The following SMG1 variants were observed in gnomAD, a reference collection of about 807,000 sequenced individuals.
The protein encoded by SMG1 is serine/threonine-protein kinase SMG1.
Under a neutral mutation model 419.9 loss-of-function variants are expected in SMG1, and 22 were observed. The observed-to-expected ratio is 0.05, with a 90% CI of 0.04 to 0.07. The LOEUF (loss-of-function observed/expected upper bound fraction) is 0.07, where lower values mean the gene tolerates loss of function less well. Ranked by LOEUF, SMG1 falls within the 10% of genes least tolerant of loss-of-function variation. The pLI is 1.00. For missense variants in SMG1, 3,185 were observed against 4,342.0 expected (o/e 0.73, Z 7.49); for synonymous variants, 1,538 against 1,553.5 (o/e 0.99, Z 0.23).
chr16:18,886,353 A>T (rs7191204), intron 6 of SMG1, among the ~76,000 whole-genome samples: 13,391 of 152,258 alleles, frequency 0.088, 727 homozygotes, highest in African/African-American at 0.16. Flanking sequence ...ATAAATTTTT[A>T]AAATAAATAT....
At chr16:18,890,203 C>CTT (rs956513585) in intron 5 of SMG1, among the ~76,000 whole-genome samples, 4 of 152,200 alleles carry the variant, frequency 2.6e-5, no homozygotes, top group Admixed American at 1.3e-4. Context: ...AAGGAAACTC[C>CTT]TTTTTACCTC....
At chr16:18,897,495 G>A (rs2037179337) in intron 1 of SMG1, among the ~76,000 whole-genome samples, 1 of 152,100 alleles carries the variant, frequency 6.6e-6, no homozygotes, top group Non-Finnish European at 1.5e-5. Flanking sequence ...CATTGCAGAT[G>A]CCTTAATTGT....
At chr16:18,814,220 G>A (rs2031769146) in intron 60 of SMG1, among the ~76,000 whole-genome samples, 1 of 151,942 alleles carries the variant, frequency 6.6e-6, no homozygotes, top group African/African-American at 2.4e-5. Flanking sequence ...GTTTGTGTAT[G>A]TGTACATATG....
At chr16:18,864,939 TA>T (rs1384540393) in intron 23 of SMG1, among the ~76,000 whole-genome samples, 1 of 152,132 alleles carries the variant, frequency 6.6e-6, no homozygotes, top group African/African-American at 2.4e-5. Context: ...TAAATGTTTT[TA>T]AAAAAATGTA....
chr16:18,815,124 C>A lies in SMG1; in HGVS notation c.10621+51G>T, dbSNP rs927516954. On this transcript the variant is annotated intron_variant, in intron 60 of 62. Coordinates refer to ENST00000446231, the MANE Select transcript of SMG1 (RefSeq NM_015092.5). ...AGTTATGTATAATTAAACATCTTAGCATCTATGTGTAACATTAACAACAGA... is the reference window on the plus strand; with the variant it reads ...AGTTATGTATAATTAAACATCTTAGAATCTATGTGTAACATTAACAACAGA... 2.1e-5 allele frequency: 23 copies of A among 1,119,316 alleles called. No individual in the cohort carries two copies. The Admixed American group carries it at 4.6e-4, about 23-fold the overall frequency. 69.3% of individuals were successfully genotyped at this position (1,119,316 alleles called of 1,614,324 possible). A position where few individuals can be genotyped will look rare whatever the true frequency, so the allele number is the denominator to read the frequency against.
Position 18,903,082 on chromosome 16 carries a change from C to A in SMG1, c.93-6126G>T, listed in dbSNP as rs182893319. Among the ~76,000 whole-genome samples, 33 of 152,264 alleles carry A rather than the reference C, an allele frequency of 2.2e-4. 1 individual carries two copies. The South Asian group carries it at 6.2e-3, about 29-fold the overall frequency. On this transcript the variant is annotated intron_variant, in intron 1 of 62. Transcript: ENST00000446231. ...TCAAGTGATCCACTCACCTCAGCCT[C>A]CGAAAGGGTTGGGATTACAGGCATA...
intron 36 of SMG1, among the ~76,000 whole-genome samples, chr16:18,848,652 G>A (rs2034405936): frequency 6.6e-6 from 1 of 151,866 alleles, no homozygotes; most frequent in African/African-American, 2.4e-5. Context: ...CAGTGAGCCT[G>A]GCAGAGGTAC....
At chr16:18,839,051 G>T (rs1345618819) in intron 42 of SMG1, among the ~76,000 whole-genome samples, 1 of 151,938 alleles carries the variant, frequency 6.6e-6, no homozygotes, top group African/African-American at 2.4e-5. Context: ...AACCAATGTT[G>T]GGCAGGCTGG....
At chr16:18,866,552 G>A in intron 23 of SMG1, 69 bp downstream of exon 23, 1 of 1,393,254 alleles carries the variant, frequency 7.2e-7, no homozygotes, top group Non-Finnish European at 1.0e-6. Flanking sequence ...TGGCTACAAT[G>A]TCAGTGAGTA....
At chr16:18,815,400 T>C (rs1002382011) in intron 59 of SMG1, 40 bp downstream of exon 59, 1 of 1,602,024 alleles carries the variant, frequency 6.2e-7, no homozygotes, top group Admixed American at 1.7e-5. Flanking sequence ...AGTAGTTTTG[T>C]ACTTATGTTT....
chr16:18,858,355 G>A (rs563293034), intron 28 of SMG1, 65 bp from the exon 29 acceptor site: 11 of 1,493,932 alleles, frequency 7.4e-6, no homozygotes, highest in African/African-American at 5.6e-5. Context: ...CAGATATATA[G>A]CAAGTCTTAA....
intron 33 of SMG1, 64 bp downstream of exon 33, chr16:18,852,003 T>A: frequency 6.6e-7 from 1 of 1,507,312 alleles, no homozygotes. Context: ...ATATATATGA[T>A]CAATTTTCTC....
In SMG1 at chr16:18,872,275, T is replaced by G; in HGVS notation, c.2092A>C (p.Thr698Pro). The G allele has an allele frequency of 6.3e-7, 1 of 1,594,714 alleles. No homozygotes were observed. The highest frequency in any genetic ancestry group is 2.2e-5 in the East Asian group (1 of 44,654). ...TGTTTCTTTGTAGCCGTAGTTACAG[T>G]GCTAATCACAGCTCCATCAAACAAA... ...PSLFDGAVISTVTTATKKHFS... is the reference protein window; with the variant it reads ...PSLFDGAVISPVTTATKKHFS... Residue 698 changes from threonine (T) to proline (P), a missense_variant, in exon 15 of 63, where the codon ACT becomes CCT. By Grantham distance (38) the Thr-to-Pro change is conservative. Around this residue, in one of 27 missense-constraint regions of SMG1, gnomAD observed 297 missense variants for 491.0 expected, o/e 0.60. Coordinates refer to ENST00000446231, the MANE Select transcript of SMG1 (RefSeq NM_015092.5).
intron 1 of SMG1, among the ~76,000 whole-genome samples, chr16:18,916,090 C>CAAA (rs1567462558): frequency 1.3e-5 from 1 of 77,860 alleles, no homozygotes; most frequent in African/African-American, 5.5e-5. Context: ...AAAAAAAAAA[C>CAAA]CAGAAAAAAA....
intron 51 of SMG1, 132 bp downstream of exon 51, chr16:18,832,808 T>C (rs1430364811): frequency 1.3e-6 from 1 of 763,936 alleles, no homozygotes; most frequent in Non-Finnish European, 2.2e-6. Flanking sequence ...AAAAGATACG[T>C]GTATGAGCAT....
chr16:18,869,475 T>C (rs1044782830), intron 19 of SMG1, among the ~76,000 whole-genome samples, 172 bp from the exon 20 acceptor site: 4 of 152,232 alleles, frequency 2.6e-5, no homozygotes, highest in African/African-American at 9.7e-5. Flanking sequence ...AGGTCTTTTA[T>C]AGTTAACAGG....
chr16:18,887,736 C>A (rs1596600448), intron 6 of SMG1, among the ~76,000 whole-genome samples: 1 of 77,044 alleles, frequency 1.3e-5, no homozygotes. Flanking sequence ...AAACTACATA[C>A]CCAAAATAAA....
intron 25 of SMG1, 25 bp from the exon 26 acceptor site, chr16:18,860,801 T>G (rs1187123517): frequency 2.1e-6 from 2 of 969,122 alleles, no homozygotes; most frequent in South Asian, 2.8e-5. Context: ...TTGGTTAGCT[T>G]GTATTCCTAT....
At chr16:18,810,793 ATT>A (rs2031315508) in intron 62 of SMG1, among the ~76,000 whole-genome samples, 1 of 152,210 alleles carries the variant, frequency 6.6e-6, no homozygotes, top group South Asian at 2.1e-4. Flanking sequence ...TAGCTACAGT[ATT>A]ATAGTATTTT....
Sources: allele counts gnomAD v4.1 joint callset (sites outside exome capture counted in the v4.1 genomes callset), GRCh38; gene constraint gnomAD v4.1.1; regional missense constraint gnomAD v4.1.1; transcripts MANE v1.5; gene names NCBI Gene and HGNC (gene_info 2026-07-23, HGNC 2026-07-21).